The following PDE4D variants were observed in gnomAD, a reference collection of about 807,000 sequenced individuals.
PDE4D encodes the protein phosphodiesterase 4D.
In PDE4D, 24 loss-of-function variants were observed where a neutral mutation model predicts 87.4. That is an observed-to-expected ratio of 0.27 (90% CI 0.20 to 0.39). The LOEUF is 0.39. Among genes scored for constraint, PDE4D ranks in the 10% least tolerant of loss-of-function variants. The probability of loss-of-function intolerance (pLI) is 1.00; values close to 1 mark genes in which losing one functional copy is unlikely to be tolerated. For missense variants in PDE4D, 714 were observed against 1,041.0 expected (o/e 0.69, Z 4.32); for synonymous variants, 384 against 383.2 (o/e 1.00, Z -0.02).
rs11959349 is a variant in PDE4D at position 58,969,546 on chromosome 5, A to C, written c.*5118T>G. On this transcript the variant is annotated 3_prime_UTR_variant, in exon 15 of 15. Transcript: ENST00000340635. The stretch of plus-strand genomic sequence containing the variant: ...TGCAAATCACTTTCTCAAGGCCTCA[A>C]GGAAGCCTTCTGTGGCCCTCCGGAA... The C allele has an allele frequency of 0.16, 24,469 of 152,094 alleles. 2,098 individuals are homozygous for C. Among genetic ancestry groups the C allele is most frequent in the Admixed American group, 0.19 (2,894 of 15,278 alleles). 9.4% of individuals were successfully genotyped at this position (152,094 alleles called of 1,614,324 possible).
chr5:59,798,696 A>G (rs1431929131), intron 1 of PDE4D, among the ~76,000 whole-genome samples: 1 of 152,202 alleles, frequency 6.6e-6, no homozygotes, highest in Non-Finnish European at 1.5e-5. Flanking sequence ...TTCTCACATT[A>G]TGGTGAACAT....
chr5:59,912,538 A>G (rs1205278429), intron 3 of PDE4D, among the ~76,000 whole-genome samples: 1 of 152,206 alleles, frequency 6.6e-6, no homozygotes, highest in Middle Eastern at 3.2e-3. Context: ...AACTCTGAAG[A>G]CTTACGACAA....
At chr5:60,064,513 C>G (rs148694490) in intron 2 of PDE4D, among the ~76,000 whole-genome samples, 58 of 152,150 alleles carry the variant, frequency 3.8e-4, no homozygotes, top group African/African-American at 1.3e-3. Flanking sequence ...GTGCAGGCAG[C>G]ACTACTTTGC....
At chr5:59,031,441 C>T (rs1757483448) in intron 6 of PDE4D, among the ~76,000 whole-genome samples, 1 of 144,812 alleles carries the variant, frequency 6.9e-6, no homozygotes, top group Admixed American at 6.9e-5. Context: ...GGCGCAGTGG[C>T]TCAGATCTGT....
intron 3 of PDE4D, among the ~76,000 whole-genome samples, chr5:59,927,809 C>T (rs1435076): frequency 0.36 from 54,868 of 151,820 alleles, 11,679 homozygotes; most frequent in East Asian, 0.74. Context: ...ATCACTTATA[C>T]TGAAACAAAG....
chr5:60,204,431 C>T (rs986789047), intron 1 of PDE4D, among the ~76,000 whole-genome samples: 34 of 152,180 alleles, frequency 2.2e-4, no homozygotes, highest in African/African-American at 7.7e-4. Flanking sequence ...GAGCTCTATA[C>T]GAATGGGCAT....
At chr5:60,389,875 G>T (rs756928962) in intron 1 of PDE4D, among the ~76,000 whole-genome samples, 1 of 152,206 alleles carries the variant, frequency 6.6e-6, no homozygotes, top group African/African-American at 2.4e-5. Context: ...AAGAGACATA[G>T]ACCCCATTTC....
intron 1 of PDE4D, among the ~76,000 whole-genome samples, chr5:59,788,875 A>C (rs1274934074): frequency 1.3e-5 from 2 of 152,254 alleles, no homozygotes; most frequent in African/African-American, 2.4e-5. Flanking sequence ...TAGAAAGTTC[A>C]CTTATCAAAA....
At chr5:59,097,656 G>A (rs767656815) in intron 5 of PDE4D, among the ~76,000 whole-genome samples, 4 of 152,176 alleles carry the variant, frequency 2.6e-5, no homozygotes, top group Non-Finnish European at 4.4e-5. Context: ...TGCACAAGAA[G>A]CAAACTTTGA....
intron 1 of PDE4D, among the ~76,000 whole-genome samples, chr5:60,442,976 T>C (rs1463540297): frequency 6.6e-6 from 1 of 152,160 alleles, no homozygotes; most frequent in East Asian, 1.9e-4. Flanking sequence ...GTGTCATCCC[T>C]GCAGACATGG....
At chr5:59,237,266 C>T (rs1372678443) in intron 1 of PDE4D, among the ~76,000 whole-genome samples, 3 of 152,136 alleles carry the variant, frequency 2.0e-5, no homozygotes, top group African/African-American at 7.2e-5. Flanking sequence ...ACATTTCTCC[C>T]CTTATCAACT....
intron 1 of PDE4D, among the ~76,000 whole-genome samples, chr5:60,469,522 A>C (rs1012791232): frequency 1.7e-4 from 26 of 152,108 alleles, no homozygotes; most frequent in African/African-American, 5.1e-4. Context: ...GCTTTATTGC[A>C]CTTTGCGGAT....
intron 1 of PDE4D, among the ~76,000 whole-genome samples, chr5:59,677,647 C>A (rs909570243): frequency 6.6e-6 from 1 of 152,144 alleles, no homozygotes; most frequent in Non-Finnish European, 1.5e-5. Context: ...CTCAAACTGA[C>A]CAAACACTGA....
At chr5:60,380,318 G>T (rs746033677) in intron 1 of PDE4D, among the ~76,000 whole-genome samples, 3 of 152,152 alleles carry the variant, frequency 2.0e-5, no homozygotes, top group Non-Finnish European at 2.9e-5. Flanking sequence ...TAGCTAGGAA[G>T]TTGATAGATT....
At chr5:60,430,825 C>T (rs894157109) in intron 1 of PDE4D, 3 of 258,714 alleles carry the variant, frequency 1.2e-5, no homozygotes, top group Admixed American at 9.9e-5. Flanking sequence ...CCTGAGTGGA[C>T]ACAGCACATG....
chr5:59,674,808 G>C lies in PDE4D; in HGVS notation c.455+218360C>G, dbSNP rs113834232. ...GAGATTTCAATAGTGTAACACATAA[G>C]ATATTACTCACAATTTGAAACAGGT... On this transcript the variant is annotated intron_variant, in intron 1 of 14. Transcript: ENST00000340635. Among the ~76,000 whole-genome samples, 713 of 152,290 alleles carry C rather than the reference G, an allele frequency of 4.7e-3. 5 individuals carry two copies. Among genetic ancestry groups the C allele is most frequent in the African/African-American group, 0.016 (676 of 41,566 alleles).
At chr5:60,471,969 G>T (rs926783091) in intron 1 of PDE4D, among the ~76,000 whole-genome samples, 1 of 152,020 alleles carries the variant, frequency 6.6e-6, no homozygotes. Context: ...GGGATAGTCT[G>T]GTAGGTGGAA....
At chr5:60,127,780 G>C in intron 2 of PDE4D, 1 of 488,794 alleles carries the variant, frequency 2.0e-6, no homozygotes, top group East Asian at 3.2e-5. Context: ...AGGATATACA[G>C]GTCTGAGTTC....
intron 2 of PDE4D, among the ~76,000 whole-genome samples, chr5:60,037,504 A>G (rs1281193863): frequency 4.6e-5 from 7 of 152,280 alleles, no homozygotes. Flanking sequence ...TTGTTTACTT[A>G]TTCGTTGCTT....
Sources: allele counts gnomAD v4.1 joint callset (sites outside exome capture counted in the v4.1 genomes callset), GRCh38; gene constraint gnomAD v4.1.1; transcripts MANE v1.5; gene names NCBI Gene and HGNC (gene_info 2026-07-23, HGNC 2026-07-21).